The following CCDC175 variants were observed in gnomAD, a reference collection of about 807,000 sequenced individuals.
CCDC175 encodes the protein coiled-coil domain containing 175, also known as coiled-coil domain-containing protein 175.
A neutral mutation model predicts 114.6 loss-of-function variants in CCDC175; 100 were observed. The ratio of observed to expected loss-of-function variants is 0.87; its 90% CI spans 0.74 to 1.03. The LOEUF (loss-of-function observed/expected upper bound fraction) is 1.03, where lower values mean the gene tolerates loss of function less well. Among genes scored for constraint, CCDC175 ranks in the 50% least tolerant of loss-of-function variants. The pLI, the probability that CCDC175 is intolerant of heterozygous loss-of-function variation, is 0.00. For missense variants in CCDC175, 880 were observed against 917.8 expected (o/e 0.96, Z 0.53); for synonymous variants, 306 against 308.7 (o/e 0.99, Z 0.09).
chr14:59,570,615 C>T (rs912591351), intron 3 of CCDC175, among the ~76,000 whole-genome samples: 11 of 152,108 alleles, frequency 7.2e-5, no homozygotes, highest in Non-Finnish European at 1.2e-4. Flanking sequence ...TATGATGATG[C>T]TCTGGAGTTG....
intron 19 of CCDC175, among the ~76,000 whole-genome samples, chr14:59,506,275 ATT>A (rs35322741): frequency 0.028 from 3,752 of 136,010 alleles, 123 homozygotes; most frequent in African/African-American, 0.092. Context: ...GAGCACAGGG[ATT>A]TTTTTTTTTT....
At chr14:59,519,647 T>C (rs958159142) in intron 17 of CCDC175, among the ~76,000 whole-genome samples, 1 of 152,172 alleles carries the variant, frequency 6.6e-6, no homozygotes, top group African/African-American at 2.4e-5. Flanking sequence ...ATGTGACAGA[T>C]TGTATTTTCC....
chr14:59,541,705 C>T (rs1009531701), intron 10 of CCDC175, among the ~76,000 whole-genome samples: 1 of 152,076 alleles, frequency 6.6e-6, no homozygotes, highest in Non-Finnish European at 1.5e-5. Context: ...CCATAAAGAA[C>T]TTGAACCAGT....
chr14:59,538,241 G>A (rs1894532804), intron 12 of CCDC175, 87 bp from the exon 13 acceptor site: 1 of 1,102,870 alleles, frequency 9.1e-7, no homozygotes, highest in African/African-American at 1.6e-5. Context: ...ATATCTCTTT[G>A]CAGGAGGCCT....
chr14:59,526,443 T>TA (rs1893741134), intron 15 of CCDC175, among the ~76,000 whole-genome samples: 1 of 151,140 alleles, frequency 6.6e-6, no homozygotes, highest in African/African-American at 2.4e-5. Context: ...TCATCTCTAC[T>TA]AAAAAATACA....
intron 1 of CCDC175, 122 bp from the exon 2 acceptor site, chr14:59,575,150 A>C: frequency 1.8e-6 from 1 of 561,226 alleles, no homozygotes; most frequent in East Asian, 2.9e-5. Context: ...CTGAATTTTT[A>C]TTGTACATTA....
chr14:59,511,125 AC>A (rs200718608), intron 18 of CCDC175, among the ~76,000 whole-genome samples: 6,285 of 152,268 alleles, frequency 0.041, 167 homozygotes, highest in Non-Finnish European at 0.06. Context: ...ATTCAGCCTA[AC>A]AGAAGGAACT....
chr14:59,555,920 A>G (rs1895869822), intron 7 of CCDC175, among the ~76,000 whole-genome samples: 1 of 152,210 alleles, frequency 6.6e-6, no homozygotes, highest in East Asian at 1.9e-4. Flanking sequence ...GATGTGAAGG[A>G]CCTCTTCAAA....
chr14:59,554,620 C>G (rs981187156), intron 7 of CCDC175, among the ~76,000 whole-genome samples: 19 of 152,072 alleles, frequency 1.2e-4, no homozygotes, highest in Admixed American at 4.6e-4. Context: ...AAGATCAGAG[C>G]AGAACTGAAG....
chr14:59,510,558 G>C (rs1210524116), intron 19 of CCDC175, 88 bp downstream of exon 19: 1 of 1,303,630 alleles, frequency 7.7e-7, no homozygotes, highest in Non-Finnish European at 1.1e-6. Flanking sequence ...TCACTTAGTT[G>C]ACACGTTTTT....
chr14:59,521,575 C>T lies in CCDC175; in HGVS notation c.2097G>A (p.Glu699=). Residue 699 remains glutamate, a splice_region_variant and synonymous_variant, in exon 17 of 20, where the codon GAG becomes GAA. Coordinates refer to ENST00000537690, the MANE Select transcript of CCDC175 (RefSeq NM_001164399.2). ...SDLSRQLIAQ[E]AQYKDLWAEF... is the part of the protein sequence containing the mutation. ...TACAAGCACCCACACATTACTTACC[C>T]TCCTGAGCTATTAGTTGCCGAGACA... The T allele has an allele frequency of 6.6e-7, 1 of 1,516,344 alleles. No homozygotes were observed. Among genetic ancestry groups the T allele is most frequent in the Non-Finnish European group, 8.9e-7 (1 of 1,127,904 alleles). The allele number at this position is 1,516,344 out of a possible 1,614,324, so 93.9% of individuals were successfully genotyped here.
At chr14:59,549,633 T>C (rs1182523031) in intron 8 of CCDC175, among the ~76,000 whole-genome samples, 1 of 143,058 alleles carries the variant, frequency 7.0e-6, no homozygotes, top group African/African-American at 2.5e-5. Flanking sequence ...GGCAGGAGAA[T>C]CGCTTGAACC....
At position 59,510,661 on chromosome 14, in the gene CCDC175, G is replaced by T. The variant is rs1330288170; in HGVS notation, c.2290C>A (p.Pro764Thr). 6.5e-7 allele frequency: 1 copy of T among 1,537,120 alleles called. No individual in the cohort carries two copies. Among genetic ancestry groups the T allele is most frequent in the East Asian group, 2.4e-5 (1 of 40,882 alleles). The change falls in exon 19 of 20, where the codon CCA (proline) becomes ACA (threonine). Residue 764 changes from proline to threonine, a missense_variant. Physicochemically the swap from Pro to Thr is conservative, Grantham distance 38. Transcript: ENST00000537690. ...GLRLLVEQES[P>T]MDLLKKKKHI... The stretch of plus-strand genomic sequence containing the variant: ...TGTTGCTTACTAAGAAGGTCCATTG[G>T]TGATTCCTGTTCCACAAGCAAACGC...
chr14:59,513,839 T>G lies in CCDC175; in HGVS notation c.2099-2036A>C, dbSNP rs540440233. Among the ~76,000 whole-genome samples, 18 of 152,304 alleles carry G rather than the reference T, an allele frequency of 1.2e-4. No individual in the cohort carries two copies. The East Asian group carries it at 3.5e-3, about 29-fold the overall frequency. On this transcript the variant is annotated intron_variant, in intron 17 of 19. Transcript: ENST00000537690. ...AGTAGAGGTTCTCCTAGCACGCAGC[T>G]GGAGATCTGAGAATGGACAGACTGC...
At chr14:59,538,880 TAGC>T (rs1235853900) in intron 11 of CCDC175, 40 bp from the exon 12 acceptor site, 1 of 1,494,010 alleles carries the variant, frequency 6.7e-7, no homozygotes, top group Non-Finnish European at 8.9e-7. Flanking sequence ...TAAATTGACA[TAGC>T]AGTTTACTAA....
rs77447628 is a variant in CCDC175, at chr14:59,562,409, T to C, written c.844-1181A>G. The stretch of plus-strand genomic sequence containing the variant: ...AACGGCAACAAACTACCAAATATAA[T>C]GCACTTAATAGGCATGACCTCATTT... On this transcript the variant is annotated intron_variant, in intron 6 of 19. Transcript: ENST00000537690. Among the ~76,000 whole-genome samples the C allele has an allele frequency of 3.2e-3, 487 of 152,308 alleles. 2 individuals are homozygous for C. Among genetic ancestry groups the C allele is most frequent in the African/African-American group, 0.011 (472 of 41,574 alleles).
intron 19 of CCDC175, chr14:59,510,399 A>G: frequency 2.8e-6 from 1 of 356,930 alleles, no homozygotes; most frequent in East Asian, 5.1e-5. Context: ...TTTAAAATAA[A>G]CTTTTTAAAA....
At chr14:59,553,067 C>A (rs1401080030) in intron 7 of CCDC175, among the ~76,000 whole-genome samples, 2 of 152,148 alleles carry the variant, frequency 1.3e-5, no homozygotes, top group Non-Finnish European at 2.9e-5. Flanking sequence ...GAGAACTTCC[C>A]AACCTAGCAA....
intron 17 of CCDC175, among the ~76,000 whole-genome samples, chr14:59,512,286 A>G (rs1892798916): frequency 6.6e-6 from 1 of 152,254 alleles, no homozygotes; most frequent in African/African-American, 2.4e-5. Flanking sequence ...CGAACAGCAT[A>G]AAGGAGTAAT....
Sources: gnomAD v4.1 joint callset for allele counts (sites outside exome capture counted in the v4.1 genomes callset) on GRCh38, gnomAD v4.1.1 for gene constraint, MANE v1.5 for transcripts, NCBI Gene and HGNC (gene_info 2026-07-23, HGNC 2026-07-21) for gene names.